The following WDFY1 variants were observed in gnomAD, a reference collection of about 807,000 sequenced individuals.
WDFY1 encodes the protein WD repeat and FYVE domain-containing protein 1.
WDFY1 carries 32 observed loss-of-function variants against 56.4 expected under a neutral mutation model. That is an observed-to-expected ratio of 0.57 (90% CI 0.43 to 0.76). The LOEUF (loss-of-function observed/expected upper bound fraction) is 0.76. WDFY1 is among the 30% of genes least tolerant of loss of function. The probability of loss-of-function intolerance (pLI) is 0.00; values close to 1 mark genes in which losing one functional copy is unlikely to be tolerated. For synonymous variants in WDFY1, 192 were observed against 197.3 expected (o/e 0.97, Z 0.23); for missense variants, 480 against 545.7 (o/e 0.88, Z 1.20).
chr2:223,893,740 C>G (rs1693316503), intron 8 of WDFY1, among the ~76,000 whole-genome samples: 1 of 152,162 alleles, frequency 6.6e-6, no homozygotes, highest in Admixed American at 6.5e-5. Context: ...GAAAAGAATA[C>G]TATGTCGACA....
chr2:223,903,587 G>A (rs1272762670), intron 4 of WDFY1, among the ~76,000 whole-genome samples: 1 of 144,726 alleles, frequency 6.9e-6, no homozygotes, highest in Non-Finnish European at 1.5e-5. Flanking sequence ...CATGAGATGT[G>A]AATATGAAAT....
intron 1 of WDFY1, among the ~76,000 whole-genome samples, chr2:223,924,746 CT>C (rs1343035496): frequency 6.6e-6 from 1 of 152,090 alleles, no homozygotes; most frequent in Non-Finnish European, 1.5e-5. Flanking sequence ...AAAATTGATT[CT>C]TTTTTATGCT....
At chr2:223,919,739 C>T (rs993344506) in intron 1 of WDFY1, among the ~76,000 whole-genome samples, 1 of 152,190 alleles carries the variant, frequency 6.6e-6, no homozygotes, top group East Asian at 1.9e-4. Flanking sequence ...AATGCTTACA[C>T]CCTTAACCTA....
At chr2:223,897,351 CATATATATAT>C (rs1194128689) in intron 6 of WDFY1, among the ~76,000 whole-genome samples, 8 of 53,678 alleles carry the variant, frequency 1.5e-4, no homozygotes, top group African/African-American at 4.8e-4. Context: ...CTAAATTTCG[CATATATATAT>C]ATATATATAT....
At chr2:223,882,663 G>C (rs1484278845) in intron 9 of WDFY1, among the ~76,000 whole-genome samples, 2 of 152,072 alleles carry the variant, frequency 1.3e-5, no homozygotes, top group African/African-American at 4.8e-5. Flanking sequence ...TCATTTAGGA[G>C]CCTAATCACT....
At chr2:223,902,869 A>C (rs1486613815) in intron 4 of WDFY1, among the ~76,000 whole-genome samples, 1 of 151,862 alleles carries the variant, frequency 6.6e-6, no homozygotes, top group Admixed American at 6.6e-5. Flanking sequence ...TTTTCCACTA[A>C]ATCTGTAGTT....
At chr2:223,919,532 T>C (rs1693855530) in intron 1 of WDFY1, among the ~76,000 whole-genome samples, 1 of 152,132 alleles carries the variant, frequency 6.6e-6, no homozygotes, top group Non-Finnish European at 1.5e-5. Context: ...TTTTTTAAGA[T>C]GCAGTCTTGC....
At chr2:223,935,578 T>G (rs1694155395) in intron 1 of WDFY1, among the ~76,000 whole-genome samples, 1 of 152,226 alleles carries the variant, frequency 6.6e-6, no homozygotes, top group Non-Finnish European at 1.5e-5. Flanking sequence ...AGCAGATTAT[T>G]AAAGCTAAAC....
intron 9 of WDFY1, among the ~76,000 whole-genome samples, chr2:223,882,642 A>C (rs555226): frequency 0.9 from 136,625 of 152,184 alleles, 61,728 homozygotes; most frequent in South Asian, 0.96. Flanking sequence ...ATTATTAACA[A>C]CAAATTTAGT....
intron 1 of WDFY1, among the ~76,000 whole-genome samples, chr2:223,933,499 A>G (rs1266590331): frequency 2.0e-5 from 3 of 152,128 alleles, no homozygotes; most frequent in Non-Finnish European, 4.4e-5. Context: ...GCTGGAGTCC[A>G]TGGAGGATCT....
intron 1 of WDFY1, among the ~76,000 whole-genome samples, chr2:223,929,333 A>C (rs560858979): frequency 6.6e-6 from 1 of 151,684 alleles, no homozygotes; most frequent in Non-Finnish European, 1.5e-5. Flanking sequence ...GATTACAGGC[A>C]CCCACCACCA....
chr2:223,911,707 A>T lies in WDFY1; in HGVS notation c.279+546T>A, dbSNP rs375355219. Among the ~76,000 whole-genome samples, 10 of 152,292 alleles carry T rather than the reference A, an allele frequency of 6.6e-5. No homozygotes were observed. In the East Asian group the frequency reaches 1.2e-3, roughly 18 times the overall value. On this transcript the variant is annotated intron_variant, in intron 3 of 11. Coordinates refer to ENST00000233055, the MANE Select transcript of WDFY1 (RefSeq NM_020830.5). ...CTATGAAGGCTATGATCTGTGGGTC[A>T]GCCCGAGCACCCAGCTATCAATTAC...
intron 8 of WDFY1, among the ~76,000 whole-genome samples, chr2:223,889,336 C>T (rs1693228353): frequency 1.3e-5 from 2 of 152,200 alleles, no homozygotes; most frequent in South Asian, 4.1e-4. Flanking sequence ...TGTCCTCAGG[C>T]ACGTGACTCA....
chr2:223,896,352 T>C (rs1693377158), intron 6 of WDFY1, among the ~76,000 whole-genome samples: 1 of 150,452 alleles, frequency 6.6e-6, no homozygotes. Flanking sequence ...ATAAAAAATC[T>C]AGATTATTCT....
rs557971381 is a variant in WDFY1, at chr2:223,940,200, T to C, written c.137+4948A>G. 1.9e-3 allele frequency among the ~76,000 whole-genome samples: 288 copies of C among 152,270 alleles called. 1 individual carries two copies. Among genetic ancestry groups the C allele is most frequent in the African/African-American group, 6.8e-3 (281 of 41,564 alleles). The stretch of plus-strand genomic sequence containing the variant: ...TGGGTGTGGTGGCGGGTGCCTGTAA[T>C]CCCAGCTACTCGGGAGGCTGAAGCA... On this transcript the variant is annotated intron_variant, in intron 1 of 11. Transcript: ENST00000233055.
chr2:223,875,359 G>C lies in WDFY1; in HGVS notation c.*3312C>G, dbSNP rs1321946947. ...TTAGGCAAACACAGTAACAAGCAAG[G>C]AATGTTTTATTGTGTACATTTTCTC... On this transcript the variant is annotated 3_prime_UTR_variant, in exon 12 of 12. Coordinates refer to ENST00000233055, the MANE Select transcript of WDFY1 (RefSeq NM_020830.5). 7.0e-6 allele frequency: 1 copy of C among 143,502 alleles called. No individual in the cohort carries two copies. Among genetic ancestry groups the C allele is most frequent in the Non-Finnish European group, 1.5e-5 (1 of 66,158 alleles). The allele number at this position is 143,502 out of a possible 1,614,324, so 8.9% of individuals were successfully genotyped here. A position where few individuals can be genotyped will look rare whatever the true frequency, so the allele number is the denominator to read the frequency against.
intron 9 of WDFY1, among the ~76,000 whole-genome samples, chr2:223,884,121 A>G (rs530575729): frequency 6.6e-6 from 1 of 152,008 alleles, no homozygotes; most frequent in South Asian, 2.1e-4. Context: ...GGCTATTTGG[A>G]ACATATTTCT....
rs148049992 is a variant in WDFY1, at chr2:223,901,237, C to T, written c.431G>A (p.Arg144Gln). 49 of 1,613,968 alleles carry T rather than the reference C, an allele frequency of 3.0e-5. No individual in the cohort carries two copies. Among genetic ancestry groups the T allele is most frequent in the Non-Finnish European group, 3.9e-5 (46 of 1,180,014 alleles). The change falls in exon 5 of 12, where the codon CGG becomes CAG. Residue 144 changes from arginine to glutamine, a missense_variant. Physicochemically the swap from Arg to Gln is conservative, Grantham distance 43 (BLOSUM62 1). Transcript: ENST00000233055. ...HDKCVSWMCT[R>Q]SGNMLGRHFF... Reference sequence around the variant, plus strand: ...GTGCCTCCCGAGCATGTTCCCGCTCCGCGTGCACATCCAGCTCACACACTT... The same window carrying T: ...GTGCCTCCCGAGCATGTTCCCGCTCTGCGTGCACATCCAGCTCACACACTT...
At chr2:223,923,038 G>A (rs1188324938) in intron 1 of WDFY1, among the ~76,000 whole-genome samples, 1 of 152,136 alleles carries the variant, frequency 6.6e-6, no homozygotes, top group East Asian at 1.9e-4. Context: ...TTTGAAAACT[G>A]TCGGTCACAT....
Sources: allele counts gnomAD v4.1 joint callset (sites outside exome capture counted in the v4.1 genomes callset), GRCh38; gene constraint gnomAD v4.1.1; transcripts MANE v1.5; gene names NCBI Gene and HGNC (gene_info 2026-07-23, HGNC 2026-07-21).